Variants in MCF2L observed in about 807,000 individuals in gnomAD.
MCF2L encodes guanine nucleotide exchange factor DBS.
Under a neutral mutation model 153.4 loss-of-function variants are expected in MCF2L, and 97 were observed. That is an observed-to-expected ratio of 0.63 (90% CI 0.54 to 0.75). MCF2L has a LOEUF of 0.75. Among genes scored for constraint, MCF2L ranks in the 30% least tolerant of loss-of-function variants. The pLI, the probability that MCF2L is intolerant of heterozygous loss-of-function variation, is 0.00. For missense variants in MCF2L, 1,347 were observed against 1,495.2 expected, an observed-to-expected ratio of 0.90 and a Z score of 1.64; for synonymous variants, 659 against 632.2, an observed-to-expected ratio of 1.04 and a Z score of -0.64.
At position 113,074,931 on chromosome 13, in the gene MCF2L, A is replaced by G. The variant is rs2033301833; in HGVS notation, c.1117-67A>G. 2 of 1,393,878 alleles carry G rather than the reference A, an allele frequency of 1.4e-6. No homozygotes were observed. The highest frequency in any genetic ancestry group is 1.8e-4 in the Middle Eastern group (1 of 5,442). 86.3% of individuals were successfully genotyped at this position (1,393,878 alleles called of 1,614,324 possible). ...GTGTGCCCCGGGACACACATCCCGTACAGCAAGGCACTGTGTGCCTCGAAC... is the reference window on the plus strand; with the variant it reads ...GTGTGCCCCGGGACACACATCCCGTGCAGCAAGGCACTGTGTGCCTCGAAC... On this transcript the variant is annotated intron_variant, in intron 10 of 29. Coordinates refer to ENST00000535094, the MANE Select transcript of MCF2L (RefSeq NM_001112732.3). This position sits in a 1 kb window ranked among gnomAD's most constrained non-coding sequence, Gnocchi z 4.2.
intron 4 of MCF2L, among the ~76,000 whole-genome samples, chr13:113,049,090 C>T (rs7330238): frequency 0.77 from 117,296 of 152,134 alleles, 45,777 homozygotes; most frequent in African/African-American, 0.85. Flanking sequence ...CATGAGAAAC[C>T]GGCAGGAGAT....
Position 113,012,964 on chromosome 13 carries a change from C to T in MCF2L, c.80-1799C>T, listed in dbSNP as rs375199342. On this transcript the variant is annotated intron_variant, in intron 1 of 29. Coordinates refer to ENST00000535094, the MANE Select transcript of MCF2L (RefSeq NM_001112732.3). ...TGGACGGTGGACACTGTGATGCGGA[C>T]GGTGGACAGGCGGTGTGGACGGTGG... Among the ~76,000 whole-genome samples, 1,414 of 148,812 alleles carry T rather than the reference C, an allele frequency of 9.5e-3. 13 individuals carry two copies. The highest frequency in any genetic ancestry group is 0.083 in the East Asian group (393 of 4,742).
At chr13:112,979,806 C>T in intron 1 of MCF2L, 2 of 1,554,968 alleles carry the variant, frequency 1.3e-6, no homozygotes, top group East Asian at 2.3e-5. Flanking sequence ...GCTGTGTCCC[C>T]TCTGCAGGTG....
At position 113,053,684 on chromosome 13, in the gene MCF2L, C is replaced by T. The variant is rs879884698; in HGVS notation, c.370-6909C>T. Among the ~76,000 whole-genome samples, 2 of 152,202 alleles carry T rather than the reference C, an allele frequency of 1.3e-5. No homozygotes were observed. The highest frequency in any genetic ancestry group is 2.9e-5 in the Non-Finnish European group (2 of 68,026). ...ATGGGTGGTTCGGTGGTGGTTGCCA[C>T]AGGGCTGTGTTTTCAAGGGGAGCAG... is the stretch of plus-strand genomic sequence containing the variant. On this transcript the variant is annotated intron_variant, in intron 4 of 29. Coordinates refer to ENST00000535094, the MANE Select transcript of MCF2L (RefSeq NM_001112732.3). This position sits in a 1 kb window ranked among gnomAD's most constrained non-coding sequence, Gnocchi z 4.4.
At chr13:112,988,370 C>T (rs1470061253) in intron 1 of MCF2L, among the ~76,000 whole-genome samples, 14 of 152,170 alleles carry the variant, frequency 9.2e-5, no homozygotes, top group Non-Finnish European at 1.5e-4. Flanking sequence ...AGCACCTGCC[C>T]GGTGTGGGGA....
At position 112,978,912 on chromosome 13, in the gene MCF2L, G is replaced by A. The variant is rs556292097; in HGVS notation, c.79+9454G>A. Among the ~76,000 whole-genome samples, 7 of 152,350 alleles carry A rather than the reference G, an allele frequency of 4.6e-5. 1 individual carries two copies. Among genetic ancestry groups the A allele is most frequent in the African/African-American group, 1.7e-4 (7 of 41,588 alleles). On this transcript the variant is annotated intron_variant, in intron 1 of 29. Coordinates refer to ENST00000535094, the MANE Select transcript of MCF2L (RefSeq NM_001112732.3). ...CTGTGTGTGCCCAGCACGGTGCCCA[G>A]GGACTCTGAGAGCCTGAGGGTGGCA... is the stretch of plus-strand genomic sequence containing the variant.
chr13:113,030,932 A>G (rs1217772185), intron 3 of MCF2L, among the ~76,000 whole-genome samples: 3 of 152,224 alleles, frequency 2.0e-5, no homozygotes, highest in African/African-American at 4.8e-5. Flanking sequence ...CACAACAGCA[A>G]ATAAACAGAG....
At position 113,031,586 on chromosome 13, in the gene MCF2L, C is replaced by A. The variant is rs559786335; in HGVS notation, c.278+6828C>A. Among the ~76,000 whole-genome samples, 4 of 151,040 alleles carry A rather than the reference C, an allele frequency of 2.6e-5. No individual in the cohort carries two copies. Among genetic ancestry groups the A allele is most frequent in the East Asian group, 2.0e-4 (1 of 5,068 alleles). On this transcript the variant is annotated intron_variant, in intron 3 of 29. Coordinates refer to ENST00000535094, the MANE Select transcript of MCF2L (RefSeq NM_001112732.3). The surrounding 1 kb of genome is among the most constrained non-coding windows in gnomAD (Gnocchi z 5.5). Reference sequence around the variant, plus strand: ...CAGAATGCAGGGTGGAGGGAGAATGCGGGGTGGAGGGAGGAGCTGGGAGAT... The same window carrying A: ...CAGAATGCAGGGTGGAGGGAGAATGAGGGGTGGAGGGAGGAGCTGGGAGAT...
At position 113,077,109 on chromosome 13, in the gene MCF2L, A is replaced by G. The variant is rs1172057682; in HGVS notation, c.1558A>G (p.Arg520Gly). Residue 520 changes from arginine to glycine, a missense_variant, in exon 13 of 30, where the codon AGG becomes GGG. Coordinates refer to ENST00000535094, the MANE Select transcript of MCF2L (RefSeq NM_001112732.3). Reference protein sequence around the residue: ...QASMEEVFHRRQASLKKLAAR... With the variant: ...QASMEEVFHRGQASLKKLAAR... The stretch of plus-strand genomic sequence containing the variant: ...AAGCATGGAGGAGGTGTTCCACCGC[A>G]GGCAGGCCAGCCTGAAGAAGCTGGC... The G allele has an allele frequency of 6.2e-7, 1 of 1,612,876 alleles. No homozygotes were observed. Among genetic ancestry groups the G allele is most frequent in the South Asian group, 1.1e-5 (1 of 91,056 alleles).
intron 3 of MCF2L, among the ~76,000 whole-genome samples, chr13:113,032,081 C>T (rs1304977857): frequency 2.6e-5 from 4 of 152,254 alleles, no homozygotes; most frequent in South Asian, 2.1e-4. Flanking sequence ...AACAGAAACA[C>T]GAATGTAATC....
chr13:113,030,742 G>A (rs1241829806), intron 3 of MCF2L, among the ~76,000 whole-genome samples: 1 of 152,208 alleles, frequency 6.6e-6, no homozygotes, highest in African/African-American at 2.4e-5. Flanking sequence ...ACATCGGCCA[G>A]GCCTTGATAG....
In MCF2L at chr13:113,031,224, AGAC is replaced by A. The variant is rs1166617108; in HGVS notation, c.278+6467_278+6469del. On this transcript the variant is annotated intron_variant, in intron 3 of 29. Coordinates refer to ENST00000535094, the MANE Select transcript of MCF2L (RefSeq NM_001112732.3). The surrounding 1 kb of genome is among the most constrained non-coding windows in gnomAD (Gnocchi z 5.5). ...GACAGACAGAGACAGAGACAGAGAG[AGAC>A]AGAGAGAAGAGACAGAGAGTGACAG... is the stretch of plus-strand genomic sequence containing the variant. Among the ~76,000 whole-genome samples, 5 of 138,930 alleles carry A rather than the reference AGAC, an allele frequency of 3.6e-5. No individual in the cohort carries two copies. Among genetic ancestry groups the A allele is most frequent in the African/African-American group, 8.2e-5 (3 of 36,522 alleles). 91.1% of individuals were successfully genotyped at this position (138,930 alleles called of 152,430 possible).
intron 1 of MCF2L, chr13:112,985,456 C>T (rs571301973): frequency 8.1e-5 from 38 of 471,082 alleles, no homozygotes; most frequent in Middle Eastern, 6.5e-4. Flanking sequence ...GAGTGGTGCT[C>T]CTGGCTGCTG....
At chr13:112,981,040 C>G (rs2082402205) in intron 1 of MCF2L, among the ~76,000 whole-genome samples, 1 of 152,018 alleles carries the variant, frequency 6.6e-6, no homozygotes, top group Non-Finnish European at 1.5e-5. Context: ...CGTCCCTTTC[C>G]TGTGCACTGG....
At chr13:113,087,093 G>A (rs1178028917) in intron 21 of MCF2L, 142 bp from the exon 22 acceptor site, 3 of 671,184 alleles carry the variant, frequency 4.5e-6, no homozygotes, top group African/African-American at 1.8e-5. Context: ...CAGTCTCCAC[G>A]AGCTTGCCTT....
intron 1 of MCF2L, among the ~76,000 whole-genome samples, chr13:112,899,826 T>G (rs1355666389): frequency 6.6e-6 from 1 of 152,238 alleles, no homozygotes; most frequent in African/African-American, 2.4e-5. Context: ...GCGTGCCATC[T>G]GCAGCCTTCA....
chr13:113,091,030 C>T, intron 26 of MCF2L: 2 of 1,292,404 alleles, frequency 1.5e-6, no homozygotes, highest in Non-Finnish European at 2.0e-6. Flanking sequence ...TGTCCCCTTC[C>T]AGCACGAGCG....
intron 15 of MCF2L, 22 bp from the exon 16 acceptor site, chr13:113,081,191 T>C: frequency 3.2e-6 from 5 of 1,566,500 alleles, no homozygotes; most frequent in Non-Finnish European, 4.3e-6. Context: ...CCTTTTTTGC[T>C]CTCCACATGA....
chr13:113,060,825 C>T, intron 5 of MCF2L, 113 bp downstream of exon 5: 2 of 1,423,314 alleles, frequency 1.4e-6, no homozygotes, highest in Non-Finnish European at 9.5e-7. Flanking sequence ...ACACGGTCAA[C>T]AAAACCCCGC....
Sources: allele counts gnomAD v4.1 joint callset (sites outside exome capture counted in the v4.1 genomes callset), GRCh38; gene constraint gnomAD v4.1.1; non-coding constraint Gnocchi (gnomAD v3.1); transcripts MANE v1.5; gene names NCBI Gene and HGNC (gene_info 2026-07-23, HGNC 2026-07-21).